The following CASK variants were observed in gnomAD, a reference collection of about 807,000 sequenced individuals.
CASK encodes calcium/calmodulin dependent serine protein kinase, also known as peripheral plasma membrane protein CASK.
Under a neutral mutation model 82.9 loss-of-function variants are expected in CASK, and 4 were observed. The ratio of observed to expected loss-of-function variants is 0.05; its 90% CI spans 0.02 to 0.11. The LOEUF is 0.11. Among genes scored for constraint, CASK ranks in the 10% least tolerant of loss-of-function variants. The probability of loss-of-function intolerance (pLI) is 1.00; values close to 1 mark genes in which losing one functional copy is unlikely to be tolerated. For synonymous variants in CASK, 259 were observed against 253.5 expected (o/e 1.02, Z -0.20); for missense variants, 358 against 720.9 (o/e 0.50, Z 5.76).
intron 2 of CASK, among the ~76,000 whole-genome samples, chrX:41,789,472 A>G (rs5964051): frequency 0.022 from 2,424 of 111,309 alleles, 70 homozygotes; most frequent in African/African-American, 0.074. Flanking sequence ...AGATGCCTCC[A>G]TCTCCAAAAG....
intron 5 of CASK, among the ~76,000 whole-genome samples, chrX:41,683,809 ATGTG>A (rs765498706): frequency 9.0e-6 from 1 of 111,609 alleles, no homozygotes; most frequent in Admixed American, 9.5e-5. Flanking sequence ...GTGCTTCAGA[ATGTG>A]TGTGTATGTG....
intron 5 of CASK, among the ~76,000 whole-genome samples, chrX:41,677,241 AG>A: frequency 9.0e-6 from 1 of 110,950 alleles, no homozygotes; most frequent in East Asian, 2.8e-4. Flanking sequence ...CTGGGATTAG[AG>A]GTGTAAATTT....
intron 5 of CASK, among the ~76,000 whole-genome samples, chrX:41,708,206 G>A (rs1012066240): frequency 2.7e-5 from 3 of 110,713 alleles, no homozygotes; most frequent in East Asian, 2.8e-4. Context: ...GACTATAGTC[G>A]AGGATAGAGG....
chrX:41,576,294 T>C (rs952243814), intron 15 of CASK, among the ~76,000 whole-genome samples: 1 of 111,224 alleles, frequency 9.0e-6, no homozygotes, highest in African/African-American at 3.3e-5. Flanking sequence ...TGTTTCTATG[T>C]AGTGAGTCTT....
At chrX:41,526,828 T>C (rs1274175058) in intron 25 of CASK, among the ~76,000 whole-genome samples, 1 of 111,753 alleles carries the variant, frequency 8.9e-6, no homozygotes, top group African/African-American at 3.3e-5. Flanking sequence ...TTTCAAAAAT[T>C]CTAAGATGCC....
chrX:41,815,809 TA>T (rs768804000), intron 2 of CASK, among the ~76,000 whole-genome samples: 1 of 111,423 alleles, frequency 9.0e-6, no homozygotes, highest in Admixed American at 9.5e-5. Flanking sequence ...AAAATACAAA[TA>T]AAAAAAGGCA....
chrX:41,769,331 G>T (rs926884695), intron 3 of CASK, among the ~76,000 whole-genome samples: 2 of 108,272 alleles, frequency 1.8e-5, no homozygotes, highest in Non-Finnish European at 3.8e-5. Context: ...GAGTAGCTGG[G>T]ACTATAGGTG....
At chrX:41,579,263 G>A (rs897919396) in intron 14 of CASK, among the ~76,000 whole-genome samples, 3 of 111,947 alleles carry the variant, frequency 2.7e-5, no homozygotes, top group Admixed American at 1.9e-4. Flanking sequence ...CCTTAAAAAC[G>A]TAATCTTCCA....
At chrX:41,615,831 C>T (rs747540258) in intron 11 of CASK, among the ~76,000 whole-genome samples, 23 of 110,134 alleles carry the variant, frequency 2.1e-4, no homozygotes, top group South Asian at 2.0e-3. Flanking sequence ...TTCACCATGT[C>T]GGCCAGGCTG....
intron 11 of CASK, among the ~76,000 whole-genome samples, chrX:41,612,492 G>A (rs1435584863): frequency 3.8e-3 from 354 of 92,033 alleles, no homozygotes; most frequent in African/African-American, 5.9e-3. Flanking sequence ...AGTGAGGAGC[G>A]TCTCCGCCCG....
At chrX:41,732,135 T>A (rs1376702827) in intron 5 of CASK, among the ~76,000 whole-genome samples, 1 of 110,601 alleles carries the variant, frequency 9.0e-6, no homozygotes, top group Non-Finnish European at 1.9e-5. Flanking sequence ...AAACAGTGTT[T>A]TTAATGTGTC....
intron 3 of CASK, among the ~76,000 whole-genome samples, chrX:41,774,729 C>T (rs1251748010): frequency 6.4e-5 from 7 of 108,673 alleles, no homozygotes; most frequent in East Asian, 2.9e-4. Flanking sequence ...GAAATAATGC[C>T]GCATATCTAC....
At chrX:41,706,714 C>T (rs750082525) in intron 5 of CASK, among the ~76,000 whole-genome samples, 2 of 111,649 alleles carry the variant, frequency 1.8e-5, no homozygotes, top group Non-Finnish European at 3.8e-5. Context: ...TGCAGTGGCA[C>T]GATCATAGTT....
intron 3 of CASK, among the ~76,000 whole-genome samples, chrX:41,761,069 G>C (rs1569437416): frequency 9.0e-6 from 1 of 111,468 alleles, no homozygotes; most frequent in East Asian, 2.8e-4. Context: ...CTTCTCTCTA[G>C]AAATAAGTTC....
chrX:41,720,513 T>C (rs1159320520), intron 5 of CASK, among the ~76,000 whole-genome samples: 2 of 112,875 alleles, frequency 1.8e-5, no homozygotes, highest in African/African-American at 6.4e-5. Context: ...GATATTCTAA[T>C]GTGTACTAAA....
intron 14 of CASK, chrX:41,585,005 G>C (rs1262377289): frequency 8.9e-6 from 1 of 112,483 alleles, no homozygotes; most frequent in Non-Finnish European, 1.9e-5. Flanking sequence ...AACTGGGCTG[G>C]GATATGGAAG....
chrX:41,646,778 C>T (rs777898363), intron 8 of CASK, among the ~76,000 whole-genome samples: 5 of 111,222 alleles, frequency 4.5e-5, no homozygotes, highest in Non-Finnish European at 9.4e-5. Context: ...AATAATCAAA[C>T]CGTCCGATGC....
intron 3 of CASK, among the ~76,000 whole-genome samples, chrX:41,780,793 T>C (rs1484832485): frequency 9.0e-6 from 1 of 110,818 alleles, no homozygotes; most frequent in Non-Finnish European, 1.9e-5. Flanking sequence ...GGATTACAGG[T>C]GTGTGCCACC....
chrX:41,814,743 T>TA (rs1197341862), intron 2 of CASK, among the ~76,000 whole-genome samples: 13 of 106,048 alleles, frequency 1.2e-4, no homozygotes, highest in South Asian at 4.1e-4. Context: ...AGTATAATAA[T>TA]AAAAAAAAAG....
Sources: allele counts gnomAD v4.1 joint callset (sites outside exome capture counted in the v4.1 genomes callset), GRCh38; gene constraint gnomAD v4.1.1; transcripts MANE v1.5; gene names NCBI Gene and HGNC (gene_info 2026-07-23, HGNC 2026-07-21).